The following ISM1 variants were observed in gnomAD, a reference collection of about 807,000 sequenced individuals.
ISM1 encodes isthmin 1.
A neutral mutation model predicts 46.3 loss-of-function variants in ISM1; 25 were observed. That is an observed-to-expected ratio of 0.54 (90% CI 0.39 to 0.75). ISM1 has a LOEUF of 0.75. ISM1 is among the 30% of genes least tolerant of loss of function. ISM1 has a pLI of 0.00. For synonymous variants in ISM1, 255 were observed against 256.7 expected, an observed-to-expected ratio of 0.99 and a Z score of 0.06; for missense variants, 536 against 625.4, an observed-to-expected ratio of 0.86 and a Z score of 1.52.
At chr20:13,275,035 C>T (rs1016330223) in intron 2 of ISM1, among the ~76,000 whole-genome samples, 1 of 152,178 alleles carries the variant, frequency 6.6e-6, no homozygotes, top group Non-Finnish European at 1.5e-5. Flanking sequence ...AGCTGATAGT[C>T]AGATATCAGA....
chr20:13,228,220 G>A (rs749501717), intron 1 of ISM1, among the ~76,000 whole-genome samples: 60 of 151,756 alleles, frequency 4.0e-4, no homozygotes, highest in Admixed American at 2.9e-3. Flanking sequence ...TGATCTGCCC[G>A]TCCTGGCCTC....
At chr20:13,315,098 C>T in the ISM1 span, among the ~76,000 whole-genome samples, 1 of 151,134 alleles carries the variant, frequency 6.6e-6, no homozygotes, top group African/African-American at 2.4e-5. Flanking sequence ...GTGAAAACCA[C>T]GAAAGGCAGA....
At chr20:13,252,742 C>T (rs967436371) in intron 1 of ISM1, among the ~76,000 whole-genome samples, 2 of 151,586 alleles carry the variant, frequency 1.3e-5, no homozygotes, top group East Asian at 1.9e-4. Context: ...GGCAACAGAG[C>T]GAGACTCTGT....
chr20:13,297,930 G>A (rs764117526), intron 5 of ISM1, among the ~76,000 whole-genome samples: 1 of 152,060 alleles, frequency 6.6e-6, no homozygotes, highest in Non-Finnish European at 1.5e-5. Context: ...TCTTTGAGGC[G>A]CCTTGCCATG....
intron 5 of ISM1, among the ~76,000 whole-genome samples, chr20:13,297,638 C>T (rs1251593563): frequency 6.6e-6 from 1 of 152,204 alleles, no homozygotes; most frequent in Non-Finnish European, 1.5e-5. Context: ...CGGCCCTGTC[C>T]ATGGAGGGGT....
intron 1 of ISM1, among the ~76,000 whole-genome samples, chr20:13,253,828 G>T (rs2039894251): frequency 6.8e-6 from 1 of 148,136 alleles, no homozygotes; most frequent in Non-Finnish European, 1.5e-5. Flanking sequence ...TTAAAAAAAA[G>T]CTAAAATTAA....
intron 4 of ISM1, 81 bp from the exon 5 acceptor site, chr20:13,292,293 T>C: frequency 1.2e-6 from 1 of 827,594 alleles, no homozygotes; most frequent in Admixed American, 2.4e-5. Context: ...TGTTCAGGTG[T>C]ATTTATTTTT....
downstream of ISM1, among the ~76,000 whole-genome samples, chr20:13,305,039 T>A (rs865975829): frequency 5.9e-5 from 9 of 152,236 alleles, no homozygotes; most frequent in South Asian, 8.3e-4. Context: ...ATATTTGATA[T>A]TTAATATTTG....
intron 1 of ISM1, among the ~76,000 whole-genome samples, chr20:13,248,753 T>C: frequency 6.6e-6 from 1 of 152,212 alleles, no homozygotes; most frequent in East Asian, 1.9e-4. Flanking sequence ...GCCGTTCCCT[T>C]GATCCCCAGA....
At chr20:13,283,750 C>T (rs558094067) in intron 3 of ISM1, among the ~76,000 whole-genome samples, 49 of 152,304 alleles carry the variant, frequency 3.2e-4, no homozygotes, top group African/African-American at 1.2e-3. Flanking sequence ...TTTAGAATAG[C>T]CCACATAATG....
the ISM1 span, among the ~76,000 whole-genome samples, chr20:13,310,358 A>G: frequency 2.0e-5 from 3 of 152,192 alleles, no homozygotes; most frequent in Non-Finnish European, 4.4e-5. Context: ...GTGCTGAGAA[A>G]ACTGGATATC....
intron 1 of ISM1, among the ~76,000 whole-genome samples, chr20:13,251,242 T>A (rs1466205276): frequency 6.6e-6 from 1 of 152,212 alleles, no homozygotes; most frequent in Non-Finnish European, 1.5e-5. Flanking sequence ...GCTCCCTGCT[T>A]CCATTCCATC....
At chr20:13,311,181 T>C in the ISM1 span, among the ~76,000 whole-genome samples, 3 of 143,016 alleles carry the variant, frequency 2.1e-5, no homozygotes, top group African/African-American at 7.9e-5. Context: ...GCAACAAGAG[T>C]GAAACTCCAT....
At chr20:13,325,139 G>A in the ISM1 span, among the ~76,000 whole-genome samples, 2 of 152,310 alleles carry the variant, frequency 1.3e-5, no homozygotes, top group East Asian at 3.9e-4. Flanking sequence ...ACCAGAGGGT[G>A]CCCACAGGAC....
At chr20:13,222,310 A>T (rs991879707) in intron 1 of ISM1, among the ~76,000 whole-genome samples, 1 of 152,106 alleles carries the variant, frequency 6.6e-6, no homozygotes, top group Non-Finnish European at 1.5e-5. Flanking sequence ...GGACGCAAGG[A>T]GACTTTATAG....
At chr20:13,323,467 CTTTCCCAATG>C in the ISM1 span, among the ~76,000 whole-genome samples, 1 of 152,296 alleles carries the variant, frequency 6.6e-6, no homozygotes, top group East Asian at 1.9e-4. Flanking sequence ...AGCCCTATTC[CTTTCCCAATG>C]TAACTTATAT....
chr20:13,290,177 T>C (rs2040337478), intron 4 of ISM1, among the ~76,000 whole-genome samples: 1 of 152,178 alleles, frequency 6.6e-6, no homozygotes, highest in South Asian at 2.1e-4. Context: ...TTCCTGACTT[T>C]CCCATGCTCA....
the ISM1 span, among the ~76,000 whole-genome samples, chr20:13,310,690 G>A: frequency 9.8e-3 from 1,487 of 152,192 alleles, 6 homozygotes; most frequent in Middle Eastern, 0.031. Context: ...GGGTTAATCC[G>A]AAATACATAA....
chr20:13,316,880 A>C, the ISM1 span, among the ~76,000 whole-genome samples: 5 of 151,946 alleles, frequency 3.3e-5, no homozygotes, highest in African/African-American at 1.2e-4. Context: ...GGTACAAAGC[A>C]AAAACATCCC....
Sources: gnomAD v4.1 joint callset for allele counts (sites outside exome capture counted in the v4.1 genomes callset) on GRCh38, gnomAD v4.1.1 for gene constraint, MANE v1.5 for transcripts, NCBI Gene and HGNC (gene_info 2026-07-23, HGNC 2026-07-21) for gene names.